PKD1L3: variants seen among roughly 807,000 people sequenced by gnomAD.
The protein encoded by PKD1L3 is polycystin 1 like 3, transient receptor potential channel interacting.
Under a neutral mutation model 184.1 loss-of-function variants are expected in PKD1L3, and 239 were observed. The ratio of observed to expected loss-of-function variants is 1.30; its 90% CI spans 1.17 to 1.45. The LOEUF (loss-of-function observed/expected upper bound fraction) is 1.45, where lower values mean the gene tolerates loss of function less well. PKD1L3 is among the 40% of genes most tolerant of loss of function. PKD1L3 has a pLI of 0.00. For synonymous variants in PKD1L3, 996 were observed against 778.8 expected, an observed-to-expected ratio of 1.28 and a Z score of -4.64; for missense variants, 2,660 against 2,067.2, an observed-to-expected ratio of 1.29 and a Z score of -5.56.
rs1408310939 is a variant in PKD1L3, at chr16:71,933,468, T to C, written c.4878A>G (p.Ser1626=). The stretch of plus-strand genomic sequence containing the variant: ...TCAGGAGACCAACAACAGTCACTGC[T>C]GAGCTGAAAAATGTCCGGTAGTCAG... ...SISDYRTFFS[S]AVTVVGLLMG... The change falls in exon 28 of 30, where the codon TCA becomes TCG. Residue 1626 remains serine, a synonymous_variant. Transcript: ENST00000620267. 1.9e-6 allele frequency: 3 copies of C among 1,551,700 alleles called. No individual in the cohort carries two copies. The highest frequency in any genetic ancestry group is 1.7e-6 in the Non-Finnish European group (2 of 1,146,868).
rs1204827051 is a variant in PKD1L3, at chr16:71,951,582, C to T, written c.3172G>A (p.Glu1058Lys). The T allele has an allele frequency of 2.3e-5, 35 of 1,550,768 alleles. No homozygotes were observed. The highest frequency in any genetic ancestry group is 3.0e-5 in the Non-Finnish European group (34 of 1,146,740). Residue 1058 changes from glutamate (E) to lysine (K), a missense_variant, in exon 19 of 30, where the codon GAG (glutamate) becomes AAG (lysine). Coordinates refer to ENST00000620267, the MANE Select transcript of PKD1L3 (RefSeq NM_181536.2). ...LEGQGCHQQGERHWARVVPEN... is the reference protein window; with the variant it reads ...LEGQGCHQQGKRHWARVVPEN... ...AGTTTACCACGTGCCCAGTGGCGCT[C>T]TCCCTGCTGATGACAGCCTTGACCC...
In PKD1L3 at chr16:71,963,491, G is replaced by GGAAAT. The variant is rs2039366678; in HGVS notation, c.2466-141_2466-140insATTTC. On this transcript the variant is annotated intron_variant, in intron 15 of 29. Coordinates refer to ENST00000620267, the MANE Select transcript of PKD1L3 (RefSeq NM_181536.2). ...CAAGGCAAGAACTAAGGAAAGGAAAGAAAGTTGAGGCCAGACATGGTGATG... is the reference window on the plus strand; with the variant it reads ...CAAGGCAAGAACTAAGGAAAGGAAAGGAAATAAAGTTGAGGCCAGACATGGTGATG... 4 of 924,788 alleles carry GGAAAT rather than the reference G, an allele frequency of 4.3e-6. 1 individual carries two copies. The highest frequency in any genetic ancestry group is 1.5e-6 in the Non-Finnish European group (1 of 657,524). The allele number at this position is 924,788 out of a possible 1,614,324, so 57.3% of individuals were successfully genotyped here.
chr16:71,954,234 G>A lies in PKD1L3; in HGVS notation c.2680C>T (p.Arg894Trp), dbSNP rs376105314. ...CTTGTAAACTGGTTCCAGGGATGCC[G>A]AGTTGCAATTGAAAGCCACAGATAA... is the stretch of plus-strand genomic sequence containing the variant. ...QDYLWLSIAT[R>W]HPWNQFTRVQ... is the part of the protein sequence containing the mutation. Residue 894 changes from arginine to tryptophan, a missense_variant, in exon 17 of 30, where the codon CGG (arginine) becomes TGG (tryptophan). Coordinates refer to ENST00000620267, the MANE Select transcript of PKD1L3 (RefSeq NM_181536.2). 2.3e-5 allele frequency: 35 copies of A among 1,550,714 alleles called. No individual in the cohort carries two copies. In the African/African-American group the frequency reaches 2.3e-4, roughly 10 times the overall value.
intron 16 of PKD1L3, among the ~76,000 whole-genome samples, chr16:71,955,331 C>T (rs2039003118): frequency 2.0e-5 from 3 of 151,526 alleles, no homozygotes; most frequent in Admixed American, 2.0e-4. Context: ...AGTAATAATC[C>T]AGCCCAAAAG....
At chr16:71,964,041 T>C (rs2039395054) in intron 15 of PKD1L3, among the ~76,000 whole-genome samples, 1 of 152,134 alleles carries the variant, frequency 6.6e-6, no homozygotes, top group Non-Finnish European at 1.5e-5. Context: ...TCACTCTACT[T>C]AGTCTCATCT....
At chr16:71,981,726 A>G (rs962609489) in intron 7 of PKD1L3, among the ~76,000 whole-genome samples, 11 of 151,710 alleles carry the variant, frequency 7.3e-5, no homozygotes, top group African/African-American at 2.4e-4. Context: ...TTTTTAGTAG[A>G]GATGCAGTTT....
At chr16:71,967,115 C>A (rs1379726430) in intron 15 of PKD1L3, 22 bp downstream of exon 15, 1 of 1,542,654 alleles carries the variant, frequency 6.5e-7, no homozygotes, top group Non-Finnish European at 8.8e-7. Flanking sequence ...GCAGCAACAG[C>A]CAACAGGATA....
chr16:71,935,549 T>A (rs1183983077), intron 25 of PKD1L3, 31 bp from the exon 26 acceptor site: 1 of 1,544,984 alleles, frequency 6.5e-7, no homozygotes, highest in East Asian at 2.4e-5. Flanking sequence ...CACTGTTGCT[T>A]GTCTGAGAGA....
At position 71,934,114 on chromosome 16, in the gene PKD1L3, A is replaced by G; in HGVS notation, c.4625T>C (p.Phe1542Ser). 6.4e-7 allele frequency: 1 copy of G among 1,551,886 alleles called. No homozygotes were observed. Among genetic ancestry groups the G allele is most frequent in the East Asian group, 2.4e-5 (1 of 40,922 alleles). ...AGAGTTCACTTTTACTGCCTCATAG[A>G]AGCTGATGAATCTGCACCAAGGAAA... ...YRDDQDRFIS[F>S]YEAVKVNSAA... The change falls in exon 27 of 30, where the codon TTC becomes TCC. Residue 1542 changes from phenylalanine (F) to serine (S), a missense_variant. By Grantham distance (155) the Phe-to-Ser change is radical. Coordinates refer to ENST00000620267, the MANE Select transcript of PKD1L3 (RefSeq NM_181536.2).
Position 71,950,011 on chromosome 16 carries a change from GA to G in PKD1L3, c.3389del (p.Val1130AlafsTer7), listed in dbSNP as rs2038768229. ...CTGAGCTCAGGATGGCAAAACTGGT[GA>G]CTTCCCTGAAGCACAAAAGTTGAGG... ...LPTEQEPSRE[V>X]TSFAILSSEE... On this transcript the variant is annotated frameshift_variant, in exon 21 of 30. Transcript: ENST00000620267. LOFTEE classifies it high-confidence loss of function. The G allele has an allele frequency of 2.1e-5, 32 of 1,551,488 alleles. No homozygotes were observed. Among genetic ancestry groups the G allele is most frequent in the Non-Finnish European group, 2.8e-5 (32 of 1,146,970 alleles).
intron 16 of PKD1L3, among the ~76,000 whole-genome samples, chr16:71,956,444 C>T (rs948699401): frequency 1.5e-4 from 23 of 151,978 alleles, no homozygotes; most frequent in African/African-American, 4.8e-4. Context: ...CCACCCGACC[C>T]GGCCTCCCAA....
chr16:71,933,050 C>A (rs548730163), intron 28 of PKD1L3, among the ~76,000 whole-genome samples: 2 of 152,182 alleles, frequency 1.3e-5, no homozygotes, highest in South Asian at 2.1e-4. Context: ...CTTGGCCTCT[C>A]ATGGCTTGAA....
chr16:71,992,241 C>A (rs2040615781), intron 3 of PKD1L3, among the ~76,000 whole-genome samples: 1 of 152,152 alleles, frequency 6.6e-6, no homozygotes, highest in African/African-American at 2.4e-5. Context: ...AGGTAAATTG[C>A]CCCACAATAA....
intron 4 of PKD1L3, among the ~76,000 whole-genome samples, chr16:71,989,126 A>G (rs1417284173): frequency 6.6e-6 from 1 of 152,206 alleles, no homozygotes; most frequent in Non-Finnish European, 1.5e-5. Context: ...GCTCTGCAGA[A>G]AACAGCGTGG....
rs981048510 is a variant in PKD1L3, at chr16:71,943,014, G to A, written c.3870C>T (p.Leu1290=). 5.2e-6 allele frequency: 8 copies of A among 1,549,548 alleles called. No homozygotes were observed. The highest frequency in any genetic ancestry group is 7.0e-6 in the Non-Finnish European group (8 of 1,145,304). Residue 1290 remains leucine (L), a synonymous_variant, in exon 24 of 30, where the codon CTC becomes CTT. Transcript: ENST00000620267. ...TTGCAGTCATCAACAGGGTAAGGAA[G>A]AGGATTTGTACTTGTTTAGAAGAGG... ...KLTGDILVQI[L]FLTLLMTAIY... is the part of the protein sequence containing the mutation.
At position 71,986,230 on chromosome 16, in the gene PKD1L3, T is replaced by A; in HGVS notation, c.825A>T (p.Ala275=). ...TSYLQVSLQK[A]SGQVIDEIAG... is the part of the protein sequence containing the mutation. ...AATTTCCCATGTTTACCTGACCAGA[T>A]GCCTTCTGCAATGACACTTGTAGAT... The change falls in exon 5 of 30, where the codon GCA becomes GCT. Residue 275 remains alanine, a synonymous_variant. Transcript: ENST00000620267. 1.3e-6 allele frequency: 2 copies of A among 1,552,358 alleles called. No individual in the cohort carries two copies.
At position 71,949,929 on chromosome 16, in the gene PKD1L3, A is replaced by G. The variant is rs2038764188; in HGVS notation, c.3472T>C (p.Trp1158Arg). The G allele has an allele frequency of 1.3e-6, 2 of 1,551,736 alleles. No individual in the cohort carries two copies. Among genetic ancestry groups the G allele is most frequent in the Non-Finnish European group, 1.7e-6 (2 of 1,147,004 alleles). The change falls in exon 21 of 30, where the codon TGG becomes CGG. Residue 1158 changes from tryptophan (W) to arginine (R), a missense_variant. By Grantham distance (101) the Trp-to-Arg change is moderately radical. Transcript: ENST00000620267. ...GLSKWLTSVC[W>R]LLLGFTSLAS... ...AGGCTAGTGAAACCTAAGAGGAGCC[A>G]GCAGACTGAAGTCAACCATTTGGAC...
At chr16:71,996,250 C>G (rs552861097) in intron 2 of PKD1L3, among the ~76,000 whole-genome samples, 10 of 136,784 alleles carry the variant, frequency 7.3e-5, no homozygotes, top group African/African-American at 2.8e-4. Flanking sequence ...CCACCTCCCC[C>G]GCCTTTTTTT....
intron 16 of PKD1L3, among the ~76,000 whole-genome samples, chr16:71,962,839 T>A (rs1255941889): frequency 1.3e-5 from 2 of 152,190 alleles, no homozygotes; most frequent in Non-Finnish European, 2.9e-5. Flanking sequence ...CTTTCCTTTA[T>A]TTTTATATTT....
Sources: allele counts gnomAD v4.1 joint callset (sites outside exome capture counted in the v4.1 genomes callset), GRCh38; gene constraint gnomAD v4.1.1; transcripts MANE v1.5; gene names NCBI Gene and HGNC (gene_info 2026-07-23, HGNC 2026-07-21).